EYA4: variants seen among roughly 807,000 people sequenced by gnomAD.
EYA4 encodes the protein EYA transcriptional coactivator and phosphatase 4, also known as protein phosphatase EYA4.
A neutral mutation model predicts 87.9 loss-of-function variants in EYA4; 31 were observed. That is an observed-to-expected ratio of 0.35 (90% confidence interval 0.27 to 0.48). The LOEUF (loss-of-function observed/expected upper bound fraction) is 0.48, where lower values mean the gene tolerates loss of function less well. Among genes scored for constraint, EYA4 ranks in the 20% least tolerant of loss-of-function variants. The pLI, the probability that EYA4 is intolerant of heterozygous loss-of-function variation, is 0.99. For missense variants in EYA4, 678 were observed against 761.4 expected (o/e 0.89, Z 1.29); for synonymous variants, 263 against 270.6 (o/e 0.97, Z 0.28).
chr6:133,307,755 C>T (rs1779915734), intron 2 of EYA4, among the ~76,000 whole-genome samples: 1 of 152,142 alleles, frequency 6.6e-6, no homozygotes, highest in Non-Finnish European at 1.5e-5. Flanking sequence ...GAAGTAGATA[C>T]ATTTATAATT....
chr6:133,347,048 C>T (rs1041480564), intron 2 of EYA4, among the ~76,000 whole-genome samples: 3 of 152,214 alleles, frequency 2.0e-5, no homozygotes, highest in East Asian at 1.9e-4. Context: ...GTTATTTCAA[C>T]GGTCAAAAAA....
chr6:133,440,790 G>A (rs565990629), intron 3 of EYA4, among the ~76,000 whole-genome samples: 1 of 152,252 alleles, frequency 6.6e-6, no homozygotes, highest in South Asian at 2.1e-4. Context: ...TGAATGGAGA[G>A]TTGTGAATGT....
chr6:133,355,773 T>C (rs1291672394), intron 2 of EYA4, among the ~76,000 whole-genome samples: 1 of 152,218 alleles, frequency 6.6e-6, no homozygotes, highest in Admixed American at 6.5e-5. Context: ...GGATCTTGAA[T>C]GTAAAAATCA....
At chr6:133,444,594 A>C (rs1792619720) in intron 3 of EYA4, among the ~76,000 whole-genome samples, 1 of 152,188 alleles carries the variant, frequency 6.6e-6, no homozygotes, top group African/African-American at 2.4e-5. Flanking sequence ...GAGAGGCCCT[A>C]GACTATGGTG....
rs3734279 is a variant in EYA4 at position 133,528,828 on chromosome 6, C to T, written c.*23C>T. On this transcript the variant is annotated 3_prime_UTR_variant, in exon 20 of 20. Coordinates refer to ENST00000355286, the MANE Select transcript of EYA4 (RefSeq NM_004100.5). ...TAACTGTGTTCTTTAGCCGGAGATC[C>T]ATTTTTTATATTTCAAGTACACTGA... 648,231 of 1,611,484 alleles carry T rather than the reference C, an allele frequency of 0.4. 136,321 individuals carry two copies. Among genetic ancestry groups the T allele is most frequent in the East Asian group, 0.64 (28,777 of 44,818 alleles).
chr6:133,381,873 G>A (rs1240350397), intron 2 of EYA4, among the ~76,000 whole-genome samples: 1 of 152,102 alleles, frequency 6.6e-6, no homozygotes, highest in East Asian at 1.9e-4. Context: ...AAGATATACT[G>A]AAAATATATG....
At chr6:133,370,139 A>G (rs772091303) in intron 2 of EYA4, among the ~76,000 whole-genome samples, 1 of 152,160 alleles carries the variant, frequency 6.6e-6, no homozygotes, top group Admixed American at 6.5e-5. Flanking sequence ...AACCTCTCAG[A>G]GCATTCTGTA....
chr6:133,293,783 A>C (rs1467414110), intron 2 of EYA4, among the ~76,000 whole-genome samples: 1 of 151,490 alleles, frequency 6.6e-6, no homozygotes, highest in African/African-American at 2.4e-5. Context: ...AAAAACATAC[A>C]AAAATTAGAC....
intron 5 of EYA4, among the ~76,000 whole-genome samples, chr6:133,450,680 G>C (rs1238079002): frequency 6.6e-6 from 1 of 152,084 alleles, no homozygotes; most frequent in Non-Finnish European, 1.5e-5. Context: ...GCTAATTTTT[G>C]TACTTTACTT....
chr6:133,526,359 T>G (rs1800631255), intron 19 of EYA4, among the ~76,000 whole-genome samples: 1 of 152,144 alleles, frequency 6.6e-6, no homozygotes, highest in South Asian at 2.1e-4. Context: ...CCTTTGCCAT[T>G]TGCATGTGCT....
intron 3 of EYA4, among the ~76,000 whole-genome samples, chr6:133,412,903 C>A (rs1194533212): frequency 2.0e-5 from 3 of 152,136 alleles, no homozygotes; most frequent in Non-Finnish European, 4.4e-5. Context: ...CACAGCCCAG[C>A]AGCTGGATGT....
At chr6:133,406,599 T>C (rs1788730987) in intron 3 of EYA4, among the ~76,000 whole-genome samples, 2 of 152,236 alleles carry the variant, frequency 1.3e-5, no homozygotes, top group Admixed American at 1.3e-4. Flanking sequence ...TTCAGTGCCT[T>C]GGTCTTCATA....
chr6:133,528,664 T>G (rs1268771862), intron 19 of EYA4, 61 bp from the exon 20 acceptor site: 9 of 1,171,024 alleles, frequency 7.7e-6, no homozygotes, highest in Non-Finnish European at 1.2e-5. Context: ...GGTTGTGATC[T>G]CTCTCCATGC....
intron 11 of EYA4, among the ~76,000 whole-genome samples, chr6:133,476,965 C>T (rs988962614): frequency 6.6e-6 from 1 of 152,028 alleles, no homozygotes; most frequent in Non-Finnish European, 1.5e-5. Context: ...ATGCTGTTCT[C>T]GTGATAGTGA....
At chr6:133,433,357 C>A (rs901816369) in intron 3 of EYA4, among the ~76,000 whole-genome samples, 1 of 152,148 alleles carries the variant, frequency 6.6e-6, no homozygotes, top group East Asian at 1.9e-4. Flanking sequence ...CAAGCGCATG[C>A]CAGAGGCTCG....
chr6:133,466,427 A>G (rs1054742279), intron 10 of EYA4, among the ~76,000 whole-genome samples: 3 of 152,148 alleles, frequency 2.0e-5, no homozygotes, highest in African/African-American at 4.8e-5. Context: ...GAGTGCCCAT[A>G]AAGTGTTAGG....
intron 17 of EYA4, among the ~76,000 whole-genome samples, chr6:133,515,945 G>T (rs1032158502): frequency 1.3e-5 from 2 of 152,128 alleles, no homozygotes; most frequent in African/African-American, 4.8e-5. Flanking sequence ...TAACCATTTT[G>T]TTGTTTGAAC....
Position 133,529,925 on chromosome 6 carries a change from G to C in EYA4, c.*1120G>C. The C allele has an allele frequency of 1.0e-6, 1 of 985,220 alleles. No homozygotes were observed. The allele number at this position is 985,220 out of a possible 1,614,324, so 61.0% of individuals were successfully genotyped here. On this transcript the variant is annotated 3_prime_UTR_variant, in exon 20 of 20. Transcript: ENST00000355286. Reference sequence around the variant, plus strand: ...GAGGATATTATCATGCAAATCATGAGCAATTATCACATAAACTTTTTTAGA... The same window carrying C: ...GAGGATATTATCATGCAAATCATGACCAATTATCACATAAACTTTTTTAGA...
intron 2 of EYA4, among the ~76,000 whole-genome samples, chr6:133,339,515 G>C (rs1303016323): frequency 6.6e-6 from 1 of 152,190 alleles, no homozygotes; most frequent in East Asian, 1.9e-4. Context: ...CTGTAAAGCA[G>C]AGGTTGTCCC....
Sources: allele counts gnomAD v4.1 joint callset (sites outside exome capture counted in the v4.1 genomes callset), GRCh38; gene constraint gnomAD v4.1.1; transcripts MANE v1.5; gene names NCBI Gene and HGNC (gene_info 2026-07-23, HGNC 2026-07-21).